CCDC102B: variants seen among roughly 807,000 people sequenced by gnomAD.
CCDC102B encodes coiled-coil domain-containing protein 102B.
A neutral mutation model predicts 57.4 loss-of-function variants in CCDC102B; 75 were observed. The observed-to-expected ratio is 1.31, with a 90% CI of 1.08 to 1.58. The LOEUF is 1.58. Among genes scored for constraint, CCDC102B ranks in the 40% most tolerant of loss-of-function variants. CCDC102B has a pLI of 0.00. For synonymous variants in CCDC102B, 206 were observed against 201.9 expected, an observed-to-expected ratio of 1.02 and a Z score of -0.17; for missense variants, 636 against 582.6, an observed-to-expected ratio of 1.09 and a Z score of -0.94.
chr18:68,759,004 CT>C (rs2034157922), intron 2 of CCDC102B, among the ~76,000 whole-genome samples: 1 of 149,270 alleles, frequency 6.7e-6, no homozygotes. Flanking sequence ...AATGCCACCC[CT>C]ACCTAAAAAA....
chr18:68,837,628 CCT>C (rs1310345029), intron 2 of CCDC102B, among the ~76,000 whole-genome samples: 4 of 152,094 alleles, frequency 2.6e-5, no homozygotes, highest in Non-Finnish European at 4.4e-5. Context: ...CCGTTTTCTC[CCT>C]GTGTCTTCAC....
At chr18:68,974,538 T>A (rs12455935) in intron 6 of CCDC102B, among the ~76,000 whole-genome samples, 20,990 of 151,920 alleles carry the variant, frequency 0.14, 1,563 homozygotes, top group African/African-American at 0.18. Context: ...TTAAAAATGG[T>A]TCTTGTTGGA....
intron 4 of CCDC102B, among the ~76,000 whole-genome samples, chr18:68,868,240 T>TC (rs1248400908): frequency 6.6e-6 from 1 of 152,068 alleles, no homozygotes; most frequent in East Asian, 1.9e-4. Flanking sequence ...ACTTTAAAAA[T>TC]TAAAAATATA....
At chr18:68,825,455 C>T (rs1408961748) in intron 1 of CCDC102B, among the ~76,000 whole-genome samples, 4 of 152,014 alleles carry the variant, frequency 2.6e-5, no homozygotes, top group African/African-American at 7.3e-5. Flanking sequence ...TTTGGGAGGC[C>T]GAGGTGGGCA....
At chr18:69,044,123 T>C (rs2052500295) in intron 7 of CCDC102B, among the ~76,000 whole-genome samples, 1 of 152,088 alleles carries the variant, frequency 6.6e-6, no homozygotes, top group Middle Eastern at 3.2e-3. Context: ...GATTTAATGG[T>C]AAAAATCTAT....
At chr18:68,927,493 C>G (rs1026500566) in intron 6 of CCDC102B, among the ~76,000 whole-genome samples, 2 of 151,894 alleles carry the variant, frequency 1.3e-5, no homozygotes, top group African/African-American at 2.4e-5. Flanking sequence ...ATACGCTGTT[C>G]TGTTTTATTC....
At chr18:68,721,025 G>T (rs2032296720) in intron 2 of CCDC102B, 1 of 152,258 alleles carries the variant, frequency 6.6e-6, no homozygotes. Flanking sequence ...AGTGAACTAT[G>T]GTCACACCCC....
At chr18:68,895,762 T>C (rs936059976) in intron 5 of CCDC102B, among the ~76,000 whole-genome samples, 4 of 151,776 alleles carry the variant, frequency 2.6e-5, no homozygotes, top group African/African-American at 9.7e-5. Context: ...GTAAGAAAAC[T>C]TAATAAGATA....
chr18:68,732,868 G>T (rs774746993), intron 2 of CCDC102B, among the ~76,000 whole-genome samples: 1 of 152,092 alleles, frequency 6.6e-6, no homozygotes, highest in African/African-American at 2.4e-5. Flanking sequence ...GGACCATCAT[G>T]GCTAAACATC....
intron 2 of CCDC102B, among the ~76,000 whole-genome samples, chr18:68,748,097 G>A (rs1033645373): frequency 2.6e-5 from 4 of 151,690 alleles, no homozygotes; most frequent in Admixed American, 1.3e-4. Flanking sequence ...TTTGATTTTC[G>A]TTTCCCTGAT....
chr18:68,961,923 A>C (rs557393966), intron 6 of CCDC102B, among the ~76,000 whole-genome samples: 13 of 152,174 alleles, frequency 8.5e-5, no homozygotes, highest in African/African-American at 3.1e-4. Flanking sequence ...TTTATTTTTG[A>C]ATTTCATAGG....
At chr18:68,890,317 C>A (rs2040029363) in intron 5 of CCDC102B, among the ~76,000 whole-genome samples, 1 of 152,020 alleles carries the variant, frequency 6.6e-6, no homozygotes, top group African/African-American at 2.4e-5. Context: ...CTCACTGCAG[C>A]TTCGACCTTC....
intron 6 of CCDC102B, among the ~76,000 whole-genome samples, chr18:68,939,024 A>T (rs2145162196): frequency 6.6e-6 from 1 of 151,914 alleles, no homozygotes; most frequent in Non-Finnish European, 1.5e-5. Context: ...ATAGAATCAG[A>T]ACTATTTGGT....
intron 4 of CCDC102B, among the ~76,000 whole-genome samples, chr18:68,873,435 G>A (rs1328927119): frequency 6.6e-6 from 1 of 152,056 alleles, no homozygotes; most frequent in African/African-American, 2.4e-5. Context: ...ATGGCCTTTA[G>A]GTTTATAATT....
intron 1 of CCDC102B, among the ~76,000 whole-genome samples, chr18:68,821,695 GTA>G (rs984612478): frequency 6.6e-6 from 1 of 151,082 alleles, no homozygotes; most frequent in African/African-American, 2.4e-5. Context: ...ATATATGTGT[GTA>G]TATATATATG....
intron 6 of CCDC102B, among the ~76,000 whole-genome samples, chr18:68,997,479 A>C (rs1474159848): frequency 6.6e-6 from 1 of 152,104 alleles, no homozygotes; most frequent in Admixed American, 6.5e-5. Context: ...CAGTGAAAGC[A>C]CTGACTGCAA....
At chr18:68,906,112 T>A (rs900649975) in intron 6 of CCDC102B, among the ~76,000 whole-genome samples, 1 of 152,014 alleles carries the variant, frequency 6.6e-6, no homozygotes, top group Non-Finnish European at 1.5e-5. Context: ...CTTTTTAAAT[T>A]TATCATAATG....
intron 3 of CCDC102B, among the ~76,000 whole-genome samples, chr18:68,840,829 T>A (rs1465642748): frequency 1.3e-5 from 2 of 152,188 alleles, no homozygotes; most frequent in African/African-American, 4.8e-5. Flanking sequence ...TTAACACGCT[T>A]ATCCATATAC....
rs190961031 is a variant in CCDC102B at position 69,017,800 on chromosome 18, C to G, written c.1434+6696C>G. 1.7e-3 allele frequency among the ~76,000 whole-genome samples: 266 copies of G among 152,266 alleles called. 1 individual carries two copies. Among genetic ancestry groups the G allele is most frequent in the African/African-American group, 6.2e-3 (257 of 41,548 alleles). On this transcript the variant is annotated intron_variant, in intron 7 of 7. Coordinates refer to ENST00000360242, the MANE Select transcript of CCDC102B (RefSeq NM_024781.3). ...TGACCAACATCTCTTCATTCCTTCC[C>G]TGCCCCCTGCCCCGGGTAACCACCT...
Sources: gnomAD v4.1 joint callset for allele counts (sites outside exome capture counted in the v4.1 genomes callset) on GRCh38, gnomAD v4.1.1 for gene constraint, MANE v1.5 for transcripts, NCBI Gene and HGNC (gene_info 2026-07-23, HGNC 2026-07-21) for gene names.